Variants in STPG2 observed in about 807,000 individuals in gnomAD.
The protein encoded by STPG2 is sperm tail PG-rich repeat containing 2.
In STPG2, 56 loss-of-function variants were observed where a neutral mutation model predicts 54.2. That is an observed-to-expected ratio of 1.03 (90% CI 0.83 to 1.29). The LOEUF (loss-of-function observed/expected upper bound fraction) is 1.29. Among genes scored for constraint, STPG2 ranks in the 50% most tolerant of loss-of-function variants. STPG2 has a pLI of 0.00. For synonymous variants in STPG2, 200 were observed against 181.8 expected (o/e 1.10, Z -0.81); for missense variants, 596 against 544.9 (o/e 1.09, Z -0.93).
rs376798281 is a variant in STPG2 at position 97,911,844 on chromosome 4, C to T, written c.1044+32053G>A. Among the ~76,000 whole-genome samples the T allele has an allele frequency of 7.9e-5, 12 of 152,268 alleles. No individual in the cohort carries two copies. The South Asian group carries it at 1.5e-3, about 18-fold the overall frequency. On this transcript the variant is annotated intron_variant, in intron 8 of 10. Coordinates refer to ENST00000295268, the MANE Select transcript of STPG2 (RefSeq NM_174952.3). Reference sequence around the variant, plus strand: ...GTCACCCCACCAAGAGGCAGCCAGACTGCTTCTTTAAGCAGGTCCCTAATC... The same window carrying T: ...GTCACCCCACCAAGAGGCAGCCAGATTGCTTCTTTAAGCAGGTCCCTAATC...
intron 9 of STPG2, among the ~76,000 whole-genome samples, chr4:97,823,173 A>T (rs1728138755): frequency 6.6e-6 from 1 of 152,244 alleles, no homozygotes; most frequent in African/African-American, 2.4e-5. Context: ...AAAGATTTTC[A>T]ATGTAGACAA....
intron 8 of STPG2, among the ~76,000 whole-genome samples, chr4:97,866,529 G>GAA (rs11464717): frequency 9.2e-5 from 14 of 151,630 alleles, no homozygotes; most frequent in African/African-American, 1.7e-4. Flanking sequence ...AATTCTTTTT[G>GAA]AAAAAAATCT....
chr4:97,945,229 G>C (rs1733162053), intron 7 of STPG2, among the ~76,000 whole-genome samples: 1 of 151,662 alleles, frequency 6.6e-6, no homozygotes, highest in East Asian at 1.9e-4. Flanking sequence ...CCCTTTCTAA[G>C]TCTCCAAAGT....
At chr4:97,509,102 C>T (rs140712755) in intron 4 of STPG2, among the ~76,000 whole-genome samples, 50 of 152,222 alleles carry the variant, frequency 3.3e-4, no homozygotes, top group African/African-American at 1.1e-3. Context: ...CACTGTTAGG[C>T]CCAATCTGGC....
At chr4:97,634,150 C>T (rs985211818) in intron 10 of STPG2, among the ~76,000 whole-genome samples, 20 of 152,266 alleles carry the variant, frequency 1.3e-4, no homozygotes, top group South Asian at 2.1e-4. Flanking sequence ...GATCTGAGAA[C>T]GGGCAGACTG....
intron 9 of STPG2, among the ~76,000 whole-genome samples, chr4:97,795,432 T>G (rs574101637): frequency 2.8e-4 from 42 of 152,292 alleles, no homozygotes; most frequent in African/African-American, 1.0e-3. Context: ...CACCTATAAG[T>G]GAGAACATGC....
chr4:97,668,705 CAAAAG>C (rs1263267308), intron 10 of STPG2, among the ~76,000 whole-genome samples: 2 of 151,190 alleles, frequency 1.3e-5, no homozygotes, highest in Admixed American at 6.6e-5. Flanking sequence ...AAAAGAAAAA[CAAAAG>C]AAAAGAAAAA....
intron 8 of STPG2, among the ~76,000 whole-genome samples, chr4:97,877,942 T>C (rs915645190): frequency 6.6e-6 from 1 of 152,064 alleles, no homozygotes; most frequent in Non-Finnish European, 1.5e-5. Flanking sequence ...CTAGATAAAA[T>C]AGAGGTACAG....
chr4:98,001,520 T>G (rs1735415678), intron 5 of STPG2, among the ~76,000 whole-genome samples: 1 of 152,042 alleles, frequency 6.6e-6, no homozygotes, highest in Non-Finnish European at 1.5e-5. Flanking sequence ...ACATTATCAC[T>G]TAATGAATAA....
At chr4:97,744,689 G>A (rs1578527933) in intron 9 of STPG2, among the ~76,000 whole-genome samples, 1 of 151,180 alleles carries the variant, frequency 6.6e-6, no homozygotes, top group East Asian at 1.9e-4. Context: ...TGGCACAGCA[G>A]GAAATTAACA....
intron 5 of STPG2, among the ~76,000 whole-genome samples, chr4:98,077,970 C>T (rs1041947506): frequency 6.6e-6 from 1 of 152,118 alleles, no homozygotes; most frequent in African/African-American, 2.4e-5. Context: ...AATACAAGGA[C>T]AGTTTCCCCA....
In STPG2 at chr4:98,062,902, T is replaced by A. The variant is rs568492055; in HGVS notation, c.612+43051A>T. Reference sequence around the variant, plus strand: ...AAGTAGTAATTATATAGTTATTATCTTCTTTTTTTAATTTTATAAAAATTT... The same window carrying A: ...AAGTAGTAATTATATAGTTATTATCATCTTTTTTTAATTTTATAAAAATTT... On this transcript the variant is annotated intron_variant, in intron 5 of 10. Transcript: ENST00000295268. Among the ~76,000 whole-genome samples the A allele has an allele frequency of 4.2e-3, 640 of 152,068 alleles. 3 individuals are homozygous for A. Among genetic ancestry groups the A allele is most frequent in the South Asian group, 0.024 (117 of 4,818 alleles).
chr4:97,564,374 T>C (rs1578391644), intron 10 of STPG2, among the ~76,000 whole-genome samples: 2 of 152,360 alleles, frequency 1.3e-5, no homozygotes, highest in East Asian at 3.9e-4. Context: ...TGATGGGTCT[T>C]GACTCTTTAT....
chr4:97,556,200 A>G (rs923803172), downstream of STPG2, among the ~76,000 whole-genome samples: 1 of 152,178 alleles, frequency 6.6e-6, no homozygotes, highest in Non-Finnish European at 1.5e-5. Context: ...TAAATATTAG[A>G]CAAAGCACTC....
At chr4:97,739,642 C>G (rs1357094685) in intron 9 of STPG2, among the ~76,000 whole-genome samples, 1 of 152,174 alleles carries the variant, frequency 6.6e-6, no homozygotes, top group Admixed American at 6.5e-5. Flanking sequence ...TCGACACATA[C>G]ACCCTCCCTA....
chr4:97,527,383 C>A (rs1731304912), intron 4 of STPG2, among the ~76,000 whole-genome samples: 1 of 152,142 alleles, frequency 6.6e-6, no homozygotes, highest in South Asian at 2.1e-4. Flanking sequence ...GCCACATTTT[C>A]TTTATCCAGT....
At chr4:97,789,164 G>A (rs1478002171) in intron 9 of STPG2, among the ~76,000 whole-genome samples, 1 of 151,792 alleles carries the variant, frequency 6.6e-6, no homozygotes, top group Admixed American at 6.6e-5. Flanking sequence ...ATCATAAAAT[G>A]GAGAAAATGT....
chr4:97,633,152 T>A (rs1484613388), intron 10 of STPG2, among the ~76,000 whole-genome samples: 1 of 152,170 alleles, frequency 6.6e-6, no homozygotes, highest in African/African-American at 2.4e-5. Flanking sequence ...TACATTCTTA[T>A]AATAATATAA....
intron 4 of STPG2, among the ~76,000 whole-genome samples, chr4:97,480,507 A>G (rs991464357): frequency 6.6e-6 from 1 of 151,576 alleles, no homozygotes; most frequent in African/African-American, 2.4e-5. Flanking sequence ...AAACATTATA[A>G]AAAACATATT....
Sources: allele counts gnomAD v4.1 joint callset (sites outside exome capture counted in the v4.1 genomes callset), GRCh38; gene constraint gnomAD v4.1.1; transcripts MANE v1.5; gene names NCBI Gene and HGNC (gene_info 2026-07-23, HGNC 2026-07-21).